BIRC3: variants seen among roughly 807,000 people sequenced by gnomAD.
BIRC3 encodes the protein baculoviral IAP repeat containing 3, also known as baculoviral IAP repeat-containing protein 3.
Under a neutral mutation model 59.0 loss-of-function variants are expected in BIRC3, and 26 were observed. The ratio of observed to expected loss-of-function variants is 0.44; its 90% CI spans 0.32 to 0.61. The LOEUF is 0.61. BIRC3 is among the 20% of genes least tolerant of loss of function. BIRC3 has a pLI of 0.04. For missense variants in BIRC3, 641 were observed against 711.5 expected, an observed-to-expected ratio of 0.90 and a Z score of 1.13; for synonymous variants, 243 against 249.2, an observed-to-expected ratio of 0.98 and a Z score of 0.24.
intron 1 of BIRC3, among the ~76,000 whole-genome samples, chr11:102,318,076 A>C (rs1950990296): frequency 6.6e-6 from 1 of 152,230 alleles, no homozygotes; most frequent in African/African-American, 2.4e-5. Flanking sequence ...TGTCGAAGGC[A>C]TGTACCTGAT....
chr11:102,337,596 A>T lies in BIRC3; in HGVS notation c.*494A>T. On this transcript the variant is annotated 3_prime_UTR_variant, in exon 9 of 9. Transcript: ENST00000263464. ...ACAGAACAAAAACAAAACACCAGGGACACATTTCTCTGTCTTTTTTGATCA... is the reference window on the plus strand; with the variant it reads ...ACAGAACAAAAACAAAACACCAGGGTCACATTTCTCTGTCTTTTTTGATCA... 2.7e-6 allele frequency: 1 copy of T among 369,920 alleles called. No homozygotes were observed. Among genetic ancestry groups the T allele is most frequent in the Non-Finnish European group, 4.8e-6 (1 of 207,714 alleles). The allele number at this position is 369,920 out of a possible 1,614,324, so 22.9% of individuals were successfully genotyped here.
intron 3 of BIRC3, among the ~76,000 whole-genome samples, chr11:102,327,594 C>T (rs1378841860): frequency 6.6e-6 from 1 of 151,966 alleles, no homozygotes; most frequent in Admixed American, 6.6e-5. Flanking sequence ...GAACTGAGAT[C>T]ATCCCACTGC....
At chr11:102,336,608 T>C (rs1409316848) in intron 7 of BIRC3, 152 bp from the exon 8 acceptor site, 5 of 753,932 alleles carry the variant, frequency 6.6e-6, no homozygotes, top group Non-Finnish European at 1.1e-5. Context: ...CAATCTAATT[T>C]ATAGATATTA....
intron 6 of BIRC3, among the ~76,000 whole-genome samples, chr11:102,332,047 A>G (rs1043473032): frequency 6.6e-6 from 1 of 152,202 alleles, no homozygotes; most frequent in Non-Finnish European, 1.5e-5. Flanking sequence ...ACAAGAACTG[A>G]GTCTTCCAGA....
Position 102,328,951 on chromosome 11 carries a change from T to C in BIRC3, c.1081+6T>C. The C allele has an allele frequency of 6.9e-7, 1 of 1,459,692 alleles. No homozygotes were observed. The highest frequency in any genetic ancestry group is 9.1e-7 in the Non-Finnish European group (1 of 1,104,012). The allele number at this position is 1,459,692 out of a possible 1,614,324, so 90.4% of individuals were successfully genotyped here. A position where few individuals can be genotyped will look rare whatever the true frequency, so the allele number is the denominator to read the frequency against. ...TGAAAATGCAGAGTCATCAAGTAAGTACAATGGATAATAATGAATGCATTT... is the reference window on the plus strand; with the variant it reads ...TGAAAATGCAGAGTCATCAAGTAAGCACAATGGATAATAATGAATGCATTT... On this transcript the variant is annotated splice_donor_region_variant and intron_variant, in intron 5 of 8. Transcript: ENST00000263464.
In BIRC3 at chr11:102,337,864, C is replaced by T. The variant is rs1951213210; in HGVS notation, c.*762C>T. Reference sequence around the variant, plus strand: ...TTCCCATAAGATGCTTCTTCATTGACACTTGTAGAACACGGGGTCAACACA... The same window carrying T: ...TTCCCATAAGATGCTTCTTCATTGATACTTGTAGAACACGGGGTCAACACA... On this transcript the variant is annotated 3_prime_UTR_variant, in exon 9 of 9. Coordinates refer to ENST00000263464, the MANE Select transcript of BIRC3 (RefSeq NM_001165.5). The T allele has an allele frequency of 4.4e-6, 1 of 229,830 alleles. No individual in the cohort carries two copies. The highest frequency in any genetic ancestry group is 2.2e-5 in the African/African-American group (1 of 45,180). 14.2% of individuals were successfully genotyped at this position (229,830 alleles called of 1,614,324 possible). A position where few individuals can be genotyped will look rare whatever the true frequency, so the allele number is the denominator to read the frequency against.
chr11:102,329,603 C>T (rs1236060623), intron 5 of BIRC3, among the ~76,000 whole-genome samples: 1 of 152,154 alleles, frequency 6.6e-6, no homozygotes, highest in Non-Finnish European at 1.5e-5. Context: ...GAATACTATG[C>T]AGCCATAAAA....
intron 3 of BIRC3, among the ~76,000 whole-genome samples, chr11:102,327,245 T>C (rs896625139): frequency 6.6e-6 from 1 of 152,188 alleles, no homozygotes; most frequent in Admixed American, 6.5e-5. Flanking sequence ...ATATTAAGAG[T>C]AAATTGATTA....
chr11:102,338,127 C>G lies in BIRC3; in HGVS notation c.*1025C>G, dbSNP rs947936477. On this transcript the variant is annotated 3_prime_UTR_variant, in exon 9 of 9. Coordinates refer to ENST00000263464, the MANE Select transcript of BIRC3 (RefSeq NM_001165.5). ...GGTAAATAAATCTGTTTCATATTGT[C>G]AGTGCAACAAAATGTCCCCCTCTGC... 3.5e-5 allele frequency: 8 copies of G among 228,402 alleles called. No individual in the cohort carries two copies. The highest frequency in any genetic ancestry group is 1.8e-4 in the African/African-American group (8 of 45,070). 14.1% of individuals were successfully genotyped at this position (228,402 alleles called of 1,614,324 possible).
At chr11:102,334,309 G>A (rs957139779) in intron 6 of BIRC3, among the ~76,000 whole-genome samples, 3 of 152,136 alleles carry the variant, frequency 2.0e-5, no homozygotes, top group Non-Finnish European at 4.4e-5. Flanking sequence ...ACTAAGGTTT[G>A]ATTGTTCATT....
intron 1 of BIRC3, among the ~76,000 whole-genome samples, chr11:102,318,231 C>A (rs186179376): frequency 2.0e-5 from 3 of 152,310 alleles, no homozygotes; most frequent in Admixed American, 6.5e-5. Flanking sequence ...TCTTAAGAAG[C>A]AGGTACCATA....
In BIRC3 at chr11:102,336,104, C is replaced by T. The variant is rs200008391; in HGVS notation, c.1463C>T (p.Thr488Met). The T allele has an allele frequency of 6.8e-6, 11 of 1,613,674 alleles. No individual in the cohort carries two copies. The African/African-American group carries it at 8.0e-5, about 12-fold the overall frequency. ...EHDVIKQKTQ[T>M]SLQARELIDT... ...GATGTTATTAAACAGAAGACACAGA[C>T]GTCTTTACAAGCAAGAGAACTGATT... Residue 488 changes from threonine to methionine, a missense_variant, in exon 7 of 9, where the codon ACG becomes ATG. This residue lies in a region of BIRC3 where 268 missense variants were observed against 255.7 expected (regional missense o/e 1.05). Coordinates refer to ENST00000263464, the MANE Select transcript of BIRC3 (RefSeq NM_001165.5).
chr11:102,319,043 A>AT (rs35835532), intron 1 of BIRC3, among the ~76,000 whole-genome samples: 5,268 of 131,572 alleles, frequency 0.04, 301 homozygotes, highest in African/African-American at 0.12. Context: ...TTGAAAGAGG[A>AT]TTTTTTTTTT....
At chr11:102,335,482 G>T (rs1412898451) in intron 6 of BIRC3, among the ~76,000 whole-genome samples, 1 of 151,960 alleles carries the variant, frequency 6.6e-6, no homozygotes, top group Non-Finnish European at 1.5e-5. Flanking sequence ...GGTGTCCTTC[G>T]GCAACTTAAT....
At chr11:102,321,114 G>C (rs2135781563) in intron 1 of BIRC3, among the ~76,000 whole-genome samples, 1 of 152,334 alleles carries the variant, frequency 6.6e-6, no homozygotes, top group South Asian at 2.1e-4. Flanking sequence ...GAGGCATGCA[G>C]ATTAATCTAC....
Position 102,328,873 on chromosome 11 carries a change from TATATA to T in BIRC3, c.1033-23_1033-19del, listed in dbSNP as rs780566333. 3.0e-5 allele frequency: 26 copies of T among 856,080 alleles called. No homozygotes were observed. In the African/African-American group the frequency reaches 3.3e-4, roughly 11 times the overall value. The allele number at this position is 856,080 out of a possible 1,614,324, so 53.0% of individuals were successfully genotyped here. On this transcript the variant is annotated intron_variant, in intron 4 of 8. Coordinates refer to ENST00000263464, the MANE Select transcript of BIRC3 (RefSeq NM_001165.5). The stretch of plus-strand genomic sequence containing the variant: ...CTATTTTAATTTATATATATATATA[TATATA>T]TATTTTTTTTTTCTGCAGCTGCTAT...
chr11:102,322,487 T>C lies in BIRC3; in HGVS notation c.-2023T>C, dbSNP rs1951040547. ...TTAAATGGGCTGTTACCGCTGAGAA[T>C]GATGAGGATGAGAATGATGGTTGAA... On this transcript the variant is annotated 5_prime_UTR_variant, in exon 2 of 9. The change abolishes an upstream ATG in the 5' untranslated region. Transcript: ENST00000263464. 1 of 205,644 alleles carries C rather than the reference T, an allele frequency of 4.9e-6. No homozygotes were observed. Among genetic ancestry groups the C allele is most frequent in the South Asian group, 1.9e-4 (1 of 5,286 alleles). 12.7% of individuals were successfully genotyped at this position (205,644 alleles called of 1,614,324 possible).
intron 6 of BIRC3, among the ~76,000 whole-genome samples, chr11:102,335,252 A>T (rs926658414): frequency 1.3e-5 from 2 of 152,242 alleles, no homozygotes; most frequent in African/African-American, 2.4e-5. Context: ...AAAAATGAAT[A>T]AATAAATAAT....
chr11:102,325,670 A>G, intron 3 of BIRC3, 105 bp downstream of exon 3: 1 of 1,110,950 alleles, frequency 9.0e-7, no homozygotes, highest in East Asian at 2.4e-5. Context: ...CCAAATATAT[A>G]TTTGTGAATA....
Sources: gnomAD v4.1 joint callset for allele counts (sites outside exome capture counted in the v4.1 genomes callset) on GRCh38, gnomAD v4.1.1 for gene constraint, gnomAD v4.1.1 regional missense constraint, MANE v1.5 for transcripts, NCBI Gene and HGNC (gene_info 2026-07-23, HGNC 2026-07-21) for gene names.